Variants in MTRFR observed in about 807,000 individuals in gnomAD.
The protein encoded by MTRFR is probable peptide chain release factor C12orf65, mitochondrial.
In MTRFR, 10 loss-of-function variants were observed where a neutral mutation model predicts 11.9. The ratio of observed to expected loss-of-function variants is 0.84; its 90% CI spans 0.52 to 1.42. The LOEUF (loss-of-function observed/expected upper bound fraction) is 1.42. Ranked by LOEUF, MTRFR falls within the 40% of genes most tolerant of loss-of-function variation. MTRFR has a pLI of 0.00. For missense variants in MTRFR, 196 were observed against 197.9 expected (o/e 0.99, Z 0.06); for synonymous variants, 77 against 79.1 (o/e 0.97, Z 0.14).
chr12:123,244,292 C>T (rs1223094105), intron 1 of MTRFR, among the ~76,000 whole-genome samples: 1 of 151,822 alleles, frequency 6.6e-6, no homozygotes, highest in African/African-American at 2.4e-5. Flanking sequence ...ATTAGCCGGG[C>T]GTGGTAGCAC....
chr12:123,236,563 C>T (rs1249030416), intron 1 of MTRFR, among the ~76,000 whole-genome samples: 1 of 150,696 alleles, frequency 6.6e-6, no homozygotes, highest in African/African-American at 2.4e-5. Flanking sequence ...CACTGCACTC[C>T]ACTTGGGTGA....
In MTRFR at chr12:123,257,186, T is replaced by C. The variant is rs973754663; in HGVS notation, c.*155T>C. On this transcript the variant is annotated 3_prime_UTR_variant, in exon 3 of 3. Transcript: ENST00000253233. ...AATTTATTTAAATGGTGCACTAAAC[T>C]GTAGTGAACAGAGACATGCACGATT... 4.3e-6 allele frequency: 3 copies of C among 694,766 alleles called. No individual in the cohort carries two copies. The highest frequency in any genetic ancestry group is 2.6e-5 in the East Asian group (1 of 38,552). The allele number at this position is 694,766 out of a possible 1,614,324, so 43.0% of individuals were successfully genotyped here. A position where few individuals can be genotyped will look rare whatever the true frequency, so the allele number is the denominator to read the frequency against.
intron 1 of MTRFR, 87 bp from the exon 2 acceptor site, chr12:123,253,560 C>A: frequency 7.5e-7 from 1 of 1,337,808 alleles, no homozygotes; most frequent in Non-Finnish European, 1.1e-6. Flanking sequence ...ATTTGAATTG[C>A]TTTATAAAAA....
intron 1 of MTRFR, among the ~76,000 whole-genome samples, chr12:123,237,105 A>C: frequency 6.6e-6 from 1 of 151,856 alleles, no homozygotes; most frequent in East Asian, 1.9e-4. Flanking sequence ...TAGAAGAAAT[A>C]TGATACACAC....
intron 1 of MTRFR, chr12:123,252,200 G>C (rs1451704310): frequency 6.6e-6 from 1 of 152,288 alleles, no homozygotes; most frequent in Non-Finnish European, 1.5e-5. Context: ...TTGGGAGGCT[G>C]AAGCAGGTGG....
chr12:123,257,229 T>C lies in MTRFR; in HGVS notation c.*198T>C, dbSNP rs1969354. The C allele has an allele frequency of 0.74, 427,884 of 580,034 alleles. 166,130 individuals are homozygous for C. Among genetic ancestry groups the C allele is most frequent in the East Asian group, 1 (33,377 of 33,414 alleles). 35.9% of individuals were successfully genotyped at this position (580,034 alleles called of 1,614,324 possible). The stretch of plus-strand genomic sequence containing the variant: ...GCACGATTCAAGAATAAAACTCGGC[T>C]GGGCACGGTGGACGGTGCCTCACAT... On this transcript the variant is annotated 3_prime_UTR_variant, in exon 3 of 3. Coordinates refer to ENST00000253233, the MANE Select transcript of MTRFR (RefSeq NM_152269.5).
chr12:123,235,243 G>C (rs973285281), intron 1 of MTRFR, among the ~76,000 whole-genome samples: 3 of 152,174 alleles, frequency 2.0e-5, no homozygotes, highest in Non-Finnish European at 4.4e-5. Flanking sequence ...TGAGGAATTA[G>C]AGCCAAAGTT....
At chr12:123,242,473 A>G (rs1036207815) in intron 1 of MTRFR, among the ~76,000 whole-genome samples, 35 of 152,126 alleles carry the variant, frequency 2.3e-4, no homozygotes, top group African/African-American at 8.2e-4. Context: ...CTGAAATCCA[A>G]TTCGTATTTT....
chr12:123,252,068 C>G (rs1234306644), intron 1 of MTRFR: 2 of 152,240 alleles, frequency 1.3e-5, no homozygotes, highest in Non-Finnish European at 2.9e-5. Context: ...TCTAACTAAC[C>G]TGTAAGCTCC....
intron 1 of MTRFR, chr12:123,244,052 G>C (rs1219088521): frequency 1.4e-5 from 2 of 147,942 alleles, no homozygotes; most frequent in Non-Finnish European, 3.0e-5. Flanking sequence ...ACCTAGATCA[G>C]ACACCAGTTG....
In MTRFR at chr12:123,253,763, CGTT is replaced by C. The variant is rs1565997840; in HGVS notation, c.93_95del (p.Leu32del). On this transcript the variant is annotated inframe_deletion, in exon 2 of 3. Transcript: ENST00000253233. ...GGACTCCGGCTTTGGGAGAAGCTGA[CGTT>C]GTTATCCCCAGGAATAGCTGTCACT... The C allele has an allele frequency of 1.2e-6, 2 of 1,614,184 alleles. No homozygotes were observed. The highest frequency in any genetic ancestry group is 1.3e-5 in the African/African-American group (1 of 75,030).
At chr12:123,239,410 G>GTTCT (rs2047895838) in intron 1 of MTRFR, among the ~76,000 whole-genome samples, 1 of 145,820 alleles carries the variant, frequency 6.9e-6, no homozygotes, top group South Asian at 2.1e-4. Context: ...TTGTTTTTTT[G>GTTCT]TTTGTTTTTT....
At chr12:123,239,670 G>A (rs1389425303) in intron 1 of MTRFR, among the ~76,000 whole-genome samples, 1 of 152,140 alleles carries the variant, frequency 6.6e-6, no homozygotes, top group African/African-American at 2.4e-5. Flanking sequence ...CCAAAGTGCT[G>A]GGATTACAGG....
At chr12:123,254,388 G>T in intron 2 of MTRFR, 1 of 202,956 alleles carries the variant, frequency 4.9e-6, no homozygotes, top group South Asian at 9.2e-5. Flanking sequence ...CCAAGTCCCT[G>T]AGGAGGCGGC....
chr12:123,235,172 A>G (rs1179429104), intron 1 of MTRFR, among the ~76,000 whole-genome samples: 1 of 152,192 alleles, frequency 6.6e-6, no homozygotes, highest in East Asian at 1.9e-4. Flanking sequence ...AGTACTTTAC[A>G]TTTATGGCAA....
intron 1 of MTRFR, among the ~76,000 whole-genome samples, chr12:123,247,862 A>G (rs1171670248): frequency 6.6e-6 from 1 of 151,888 alleles, no homozygotes; most frequent in East Asian, 1.9e-4. Flanking sequence ...GGAGAATGGC[A>G]TGAACCTGGG....
chr12:123,246,669 T>C lies in MTRFR; in HGVS notation c.-28-6978T>C, dbSNP rs564434372. Among the ~76,000 whole-genome samples, 17 of 151,636 alleles carry C rather than the reference T, an allele frequency of 1.1e-4. No homozygotes were observed. In the East Asian group the frequency reaches 2.5e-3, roughly 22 times the overall value. ...TCCTTTTGGAGTTGATTTCCAGTTT[T>C]ATTCCACTGTGGTCTGAGAGAGTGC... On this transcript the variant is annotated intron_variant, in intron 1 of 2. Transcript: ENST00000253233.
intron 2 of MTRFR, among the ~76,000 whole-genome samples, chr12:123,255,709 CCG>C (rs2138797420): frequency 6.6e-6 from 1 of 152,308 alleles, no homozygotes; most frequent in Non-Finnish European, 1.5e-5. Context: ...ACTGCAACGT[CCG>C]CCTCCTGGGT....
At chr12:123,236,452 G>A (rs949326805) in intron 1 of MTRFR, among the ~76,000 whole-genome samples, 3 of 151,934 alleles carry the variant, frequency 2.0e-5, no homozygotes, top group African/African-American at 7.3e-5. Context: ...AACTAGCCAG[G>A]TATGGTGGTA....
Sources: allele counts gnomAD v4.1 joint callset (sites outside exome capture counted in the v4.1 genomes callset), GRCh38; gene constraint gnomAD v4.1.1; transcripts MANE v1.5; gene names NCBI Gene and HGNC (gene_info 2026-07-23, HGNC 2026-07-21).